The following ZNF462 variants were observed in gnomAD, a reference collection of about 807,000 sequenced individuals.
The protein encoded by ZNF462 is zinc finger PBX1-interacting protein.
A neutral mutation model predicts 201.9 loss-of-function variants in ZNF462; 10 were observed. The ratio of observed to expected loss-of-function variants is 0.05; its 90% CI spans 0.03 to 0.08. The LOEUF (loss-of-function observed/expected upper bound fraction) is 0.08, where lower values mean the gene tolerates loss of function less well. ZNF462 is among the 10% of genes least tolerant of loss of function. ZNF462 has a pLI of 1.00. For synonymous variants in ZNF462, 1,227 were observed against 1,193.3 expected (o/e 1.03, Z -0.58); for missense variants, 2,523 against 3,168.3 (o/e 0.80, Z 4.89).
chr9:106,953,633 G>C (rs1460493322), intron 7 of ZNF462, among the ~76,000 whole-genome samples: 1 of 152,000 alleles, frequency 6.6e-6, no homozygotes, highest in African/African-American at 2.4e-5. Flanking sequence ...CTCGTCCTCA[G>C]TTCTCTTTGC....
At chr9:106,875,474 A>G (rs947889009) in intron 1 of ZNF462, among the ~76,000 whole-genome samples, 1 of 152,200 alleles carries the variant, frequency 6.6e-6, no homozygotes, top group African/African-American at 2.4e-5. Context: ...TAAAACGAAA[A>G]AGAGAGTCAT....
chr9:106,929,812 C>T lies in ZNF462; in HGVS notation c.5847+53C>T. The T allele has an allele frequency of 1.3e-6, 2 of 1,486,000 alleles. No homozygotes were observed. Among genetic ancestry groups the T allele is most frequent in the East Asian group, 2.3e-5 (1 of 43,502 alleles). The allele number at this position is 1,486,000 out of a possible 1,614,324, so 92.1% of individuals were successfully genotyped here. A position where few individuals can be genotyped will look rare whatever the true frequency, so the allele number is the denominator to read the frequency against. Reference sequence around the variant, plus strand: ...CCCAGGAGGCCTCTCATCACTGGTGCCCACATGCACTTCTTCGTTGCCAGC... The same window carrying T: ...CCCAGGAGGCCTCTCATCACTGGTGTCCACATGCACTTCTTCGTTGCCAGC... On this transcript the variant is annotated intron_variant, in intron 3 of 12. Transcript: ENST00000277225. The surrounding 1 kb of genome is among the most constrained non-coding windows in gnomAD (Gnocchi z 8.7).
chr9:106,863,363 A>G lies in ZNF462; in HGVS notation c.-31+8A>G, dbSNP rs992189213. 34 of 394,350 alleles carry G rather than the reference A, an allele frequency of 8.6e-5. No individual in the cohort carries two copies. The highest frequency in any genetic ancestry group is 1.3e-3 in the Middle Eastern group (2 of 1,576). 24.4% of individuals were successfully genotyped at this position (394,350 alleles called of 1,614,324 possible). A position where few individuals can be genotyped will look rare whatever the true frequency, so the allele number is the denominator to read the frequency against. On this transcript the variant is annotated splice_region_variant and intron_variant, in intron 1 of 12. Coordinates refer to ENST00000277225, the MANE Select transcript of ZNF462 (RefSeq NM_021224.6). ...CGCCGGGACGCTTCTTCTGTAAGTTACTGCAATTAACAACCACCTCGGGGT... is the reference window on the plus strand; with the variant it reads ...CGCCGGGACGCTTCTTCTGTAAGTTGCTGCAATTAACAACCACCTCGGGGT...
Position 106,932,133 on chromosome 9 carries a change from C to G in ZNF462, c.6013-313C>G. ...CTCCCTCTAGGGGTAGCTGGAGAGG[C>G]AGGGGAGGAAGCTTTGACAAGAAGT... On this transcript the variant is annotated intron_variant, in intron 4 of 12. Transcript: ENST00000277225. This position sits in a 1 kb window ranked among gnomAD's most constrained non-coding sequence, Gnocchi z 6.8. 1.4e-6 allele frequency: 2 copies of G among 1,385,884 alleles called. No individual in the cohort carries two copies. The highest frequency in any genetic ancestry group is 2.9e-5 in the South Asian group (2 of 69,712). 85.8% of individuals were successfully genotyped at this position (1,385,884 alleles called of 1,614,324 possible).
intron 10 of ZNF462, among the ~76,000 whole-genome samples, chr9:106,991,673 G>C (rs1400753693): frequency 6.6e-6 from 1 of 151,912 alleles, no homozygotes; most frequent in Non-Finnish European, 1.5e-5. Flanking sequence ...GCATAGATCA[G>C]TAGTGCAGAA....
chr9:106,928,855 A>G lies in ZNF462; in HGVS notation c.4943A>G (p.His1648Arg). The change falls in exon 3 of 13, where the codon CAC becomes CGC. Residue 1648 changes from histidine (H) to arginine (R), a missense_variant. Around this residue, in one of 15 missense-constraint regions of ZNF462, gnomAD observed 200 missense variants for 281.3 expected, o/e 0.71. Transcript: ENST00000277225. This position sits in a 1 kb window ranked among gnomAD's most constrained non-coding sequence, Gnocchi z 9.3. ...EVGEEPVSTS[H>R]FSTSHLVSHT... ...GGAGAGGAGCCCGTGTCCACTTCTC[A>G]CTTCTCTACCTCCCACCTGGTCTCC... 6.2e-7 allele frequency: 1 copy of G among 1,613,800 alleles called. No homozygotes were observed. The highest frequency in any genetic ancestry group is 1.1e-5 in the South Asian group (1 of 91,064).
Position 106,928,868 on chromosome 9 carries a change from C to T in ZNF462, c.4956C>T (p.Ser1652=), listed in dbSNP as rs1471639613. Residue 1652 remains serine, a synonymous_variant, in exon 3 of 13, where the codon TCC becomes TCT. Coordinates refer to ENST00000277225, the MANE Select transcript of ZNF462 (RefSeq NM_021224.6). This position sits in a 1 kb window ranked among gnomAD's most constrained non-coding sequence, Gnocchi z 9.3. ...TGTCCACTTCTCACTTCTCTACCTC[C>T]CACCTGGTCTCCCACACTGTGTTCC... is the stretch of plus-strand genomic sequence containing the variant. ...EPVSTSHFST[S]HLVSHTVFRC... is the part of the protein sequence containing the mutation. The T allele has an allele frequency of 3.1e-6, 5 of 1,614,038 alleles. No individual in the cohort carries two copies. Among genetic ancestry groups the T allele is most frequent in the Non-Finnish European group, 4.2e-6 (5 of 1,180,018 alleles).
chr9:106,950,865 G>A lies in ZNF462; in HGVS notation c.6427+11758G>A, dbSNP rs1333650694. On this transcript the variant is annotated intron_variant, in intron 7 of 12. Transcript: ENST00000277225. This position sits in a 1 kb window ranked among gnomAD's most constrained non-coding sequence, Gnocchi z 4.1. ...AGCACTTTGGGAGGCCAAGGCAGGC[G>A]GATTGCCTGAAGTCAGGAGTTCAAG... is the stretch of plus-strand genomic sequence containing the variant. Among the ~76,000 whole-genome samples the A allele has an allele frequency of 4.6e-5, 7 of 152,140 alleles. No homozygotes were observed. The highest frequency in any genetic ancestry group is 1.4e-4 in the African/African-American group (6 of 41,430).
At position 106,962,005 on chromosome 9, in the gene ZNF462, G is replaced by A. The variant is rs528746960; in HGVS notation, c.6428-10000G>A. Among the ~76,000 whole-genome samples the A allele has an allele frequency of 1.8e-4, 28 of 152,176 alleles. No homozygotes were observed. The highest frequency in any genetic ancestry group is 6.0e-4 in the African/African-American group (25 of 41,554). On this transcript the variant is annotated intron_variant, in intron 7 of 12. Coordinates refer to ENST00000277225, the MANE Select transcript of ZNF462 (RefSeq NM_021224.6). This position sits in a 1 kb window ranked among gnomAD's most constrained non-coding sequence, Gnocchi z 4.6. ...GCATGGAAACAGTGTGGGCAAGGGA[G>A]TGAGGATCGGCCTGGAAAGATGAAG...
chr9:106,991,838 CTACACACACACACACACACA>C (rs1459506200), intron 10 of ZNF462, among the ~76,000 whole-genome samples: 2 of 128,138 alleles, frequency 1.6e-5, no homozygotes, highest in Admixed American at 7.9e-5. Context: ...ACAGCACTCT[CTACACACACACACACACACA>C]CACACACACA....
Position 106,932,859 on chromosome 9 carries a change from T to C in ZNF462, c.6116+310T>C, listed in dbSNP as rs577733116. 1 of 468,566 alleles carries C rather than the reference T, an allele frequency of 2.1e-6. No homozygotes were observed. The highest frequency in any genetic ancestry group is 2.0e-5 in the African/African-American group (1 of 49,840). 29.0% of individuals were successfully genotyped at this position (468,566 alleles called of 1,614,324 possible). On this transcript the variant is annotated intron_variant, in intron 5 of 12. Coordinates refer to ENST00000277225, the MANE Select transcript of ZNF462 (RefSeq NM_021224.6). This position sits in a 1 kb window ranked among gnomAD's most constrained non-coding sequence, Gnocchi z 6.8. ...AGTCTCCTGATTCATCGTTCAAACATTCAGCCAAAATCTAGTCATTGTTTG... is the reference window on the plus strand; with the variant it reads ...AGTCTCCTGATTCATCGTTCAAACACTCAGCCAAAATCTAGTCATTGTTTG...
At chr9:106,903,827 T>G (rs1185144204) in intron 1 of ZNF462, among the ~76,000 whole-genome samples, 1 of 152,122 alleles carries the variant, frequency 6.6e-6, no homozygotes, top group East Asian at 1.9e-4. Flanking sequence ...GTTAGTTGAG[T>G]CTCCTGAAGG....
rs1829614565 is a variant in ZNF462, at chr9:106,913,004, G to A, written c.-30-10350G>A. 6.6e-6 allele frequency among the ~76,000 whole-genome samples: 1 copy of A among 152,198 alleles called. No homozygotes were observed. Among genetic ancestry groups the A allele is most frequent in the African/African-American group, 2.4e-5 (1 of 41,448 alleles). Reference sequence around the variant, plus strand: ...ATAAAAAAGGCTTTGTGGAGGGAAGGCAACCAAATGGTCTCAAGTGTAGTC... The same window carrying A: ...ATAAAAAAGGCTTTGTGGAGGGAAGACAACCAAATGGTCTCAAGTGTAGTC... On this transcript the variant is annotated intron_variant, in intron 1 of 12. Transcript: ENST00000277225. This position sits in a 1 kb window ranked among gnomAD's most constrained non-coding sequence, Gnocchi z 4.1.
In ZNF462 at chr9:106,968,214, T is replaced by C. The variant is rs1588130496; in HGVS notation, c.6428-3791T>C. Reference sequence around the variant, plus strand: ...TGCTTCTTCGTGTCTATGTGACCCGTCATCCTCAGCTTCAGCTACCTCACT... The same window carrying C: ...TGCTTCTTCGTGTCTATGTGACCCGCCATCCTCAGCTTCAGCTACCTCACT... On this transcript the variant is annotated intron_variant, in intron 7 of 12. Coordinates refer to ENST00000277225, the MANE Select transcript of ZNF462 (RefSeq NM_021224.6). The surrounding 1 kb of genome is among the most constrained non-coding windows in gnomAD (Gnocchi z 4.0). Among the ~76,000 whole-genome samples the C allele has an allele frequency of 6.6e-6, 1 of 152,146 alleles. No homozygotes were observed. Among genetic ancestry groups the C allele is most frequent in the Admixed American group, 6.5e-5 (1 of 15,268 alleles).
rs981880556 is a variant in ZNF462 at position 106,968,131 on chromosome 9, C to A, written c.6428-3874C>A. 6.6e-6 allele frequency among the ~76,000 whole-genome samples: 1 copy of A among 152,122 alleles called. No homozygotes were observed. The highest frequency in any genetic ancestry group is 2.4e-5 in the African/African-American group (1 of 41,418). ...TAGAGGTCACCATTGAGAACAGATG[C>A]CTAAGACACAAGACTCAGACTTTAT... On this transcript the variant is annotated intron_variant, in intron 7 of 12. Coordinates refer to ENST00000277225, the MANE Select transcript of ZNF462 (RefSeq NM_021224.6). The surrounding 1 kb of genome is among the most constrained non-coding windows in gnomAD (Gnocchi z 4.0).
In ZNF462 at chr9:107,012,309, C is replaced by T. The variant is rs948479445; in HGVS notation, c.*1279C>T. ...AAAATCTGTGTTTTGTTTCTGCTGG[C>T]ATTGTGTTTTGTTGGGGGTTTTCAT... On this transcript the variant is annotated 3_prime_UTR_variant, in exon 13 of 13. Coordinates refer to ENST00000277225, the MANE Select transcript of ZNF462 (RefSeq NM_021224.6). The T allele has an allele frequency of 1.3e-5, 2 of 149,532 alleles. No individual in the cohort carries two copies. Among genetic ancestry groups the T allele is most frequent in the Non-Finnish European group, 3.0e-5 (2 of 67,782 alleles). 9.3% of individuals were successfully genotyped at this position (149,532 alleles called of 1,614,324 possible). A position where few individuals can be genotyped will look rare whatever the true frequency, so the allele number is the denominator to read the frequency against.
intron 7 of ZNF462, among the ~76,000 whole-genome samples, chr9:106,953,767 T>C (rs781469696): frequency 1.1e-4 from 16 of 152,110 alleles, no homozygotes; most frequent in Non-Finnish European, 1.6e-4. Flanking sequence ...CCCTACCTTC[T>C]CCACCTGCGG....
In ZNF462 at chr9:106,954,370, G is replaced by A. The variant is rs1831484788; in HGVS notation, c.6427+15263G>A. On this transcript the variant is annotated intron_variant, in intron 7 of 12. Transcript: ENST00000277225. This position sits in a 1 kb window ranked among gnomAD's most constrained non-coding sequence, Gnocchi z 4.0. ...CAGATCTTGTGATAACTCACTTACT[G>A]TCACAAGAATAGCATGGAGGAAACT... is the stretch of plus-strand genomic sequence containing the variant. 6.6e-6 allele frequency among the ~76,000 whole-genome samples: 1 copy of A among 151,970 alleles called. No individual in the cohort carries two copies.
Position 106,864,084 on chromosome 9 carries a change from CTCTCTCTCTCTCTCTCTCT to C in ZNF462, c.-31+730_-31+748del, listed in dbSNP as rs1827200100. ...TCTCTCTCTCTCTCTCTCTCTCTCT[CTCTCTCTCTCTCTCTCTCT>C]CTCTCTCCCTCTCCCCGAAGTTGGG... On this transcript the variant is annotated intron_variant, in intron 1 of 12. Coordinates refer to ENST00000277225, the MANE Select transcript of ZNF462 (RefSeq NM_021224.6). Among the ~76,000 whole-genome samples, 7 of 138,628 alleles carry C rather than the reference CTCTCTCTCTCTCTCTCTCT, an allele frequency of 5.0e-5. No individual in the cohort carries two copies. In the South Asian group the frequency reaches 1.5e-3, roughly 30 times the overall value. The allele number at this position is 138,628 out of a possible 152,430, so 90.9% of individuals were successfully genotyped here. A position where few individuals can be genotyped will look rare whatever the true frequency, so the allele number is the denominator to read the frequency against.
Sources: gnomAD v4.1 joint callset for allele counts (sites outside exome capture counted in the v4.1 genomes callset) on GRCh38, gnomAD v4.1.1 for gene constraint, gnomAD v4.1.1 regional missense constraint, Gnocchi (gnomAD v3.1) non-coding constraint, MANE v1.5 for transcripts, NCBI Gene and HGNC (gene_info 2026-07-23, HGNC 2026-07-21) for gene names.